The following SIL1 variants were observed in gnomAD, a reference collection of about 807,000 sequenced individuals.
SIL1 encodes the protein nucleotide exchange factor SIL1.
A neutral mutation model predicts 49.1 loss-of-function variants in SIL1; 40 were observed. The ratio of observed to expected loss-of-function variants is 0.81; its 90% confidence interval spans 0.63 to 1.06. The LOEUF (loss-of-function observed/expected upper bound fraction) is 1.06, where lower values mean the gene tolerates loss of function less well. Among genes scored for constraint, SIL1 ranks in the 50% least tolerant of loss-of-function variants. SIL1 has a pLI of 0.00. For missense variants in SIL1, 500 were observed against 572.6 expected, an observed-to-expected ratio of 0.87 and a Z score of 1.29; for synonymous variants, 253 against 250.8, an observed-to-expected ratio of 1.01 and a Z score of -0.08.
chr5:139,157,030 AT>A (rs941283587), intron 1 of SIL1, among the ~76,000 whole-genome samples: 1 of 152,156 alleles, frequency 6.6e-6, no homozygotes, highest in African/African-American at 2.4e-5. Flanking sequence ...CCACTATCTG[AT>A]GGGTGACCCT....
At chr5:139,136,658 G>C (rs950627504) in intron 1 of SIL1, among the ~76,000 whole-genome samples, 1 of 152,070 alleles carries the variant, frequency 6.6e-6, no homozygotes, top group Non-Finnish European at 1.5e-5. Context: ...GGCAGTCAGA[G>C]GGCCCTTCAA....
chr5:139,151,750 A>C (rs1751305052), intron 1 of SIL1, among the ~76,000 whole-genome samples: 1 of 152,200 alleles, frequency 6.6e-6, no homozygotes, highest in Non-Finnish European at 1.5e-5. Flanking sequence ...TGTGGAGTAT[A>C]AGCTCTAGCC....
intron 1 of SIL1, among the ~76,000 whole-genome samples, chr5:139,171,464 G>C (rs972337107): frequency 6.6e-5 from 10 of 152,144 alleles, no homozygotes; most frequent in South Asian, 2.1e-4. Context: ...ATTAAGGGTG[G>C]TGCAAGATGT....
intron 7 of SIL1, among the ~76,000 whole-genome samples, chr5:138,982,169 C>T (rs1319183492): frequency 2.6e-5 from 4 of 152,206 alleles, no homozygotes; most frequent in African/African-American, 9.7e-5. Flanking sequence ...AGTAACCATG[C>T]CAAATGCATC....
intron 7 of SIL1, among the ~76,000 whole-genome samples, chr5:138,967,589 G>A (rs959328221): frequency 1.7e-4 from 26 of 152,178 alleles, no homozygotes; most frequent in Admixed American, 1.2e-3. Flanking sequence ...AAAAGAAAAC[G>A]CAGCTTCAGT....
chr5:139,165,954 C>T (rs1751609635), intron 1 of SIL1, among the ~76,000 whole-genome samples: 2 of 152,112 alleles, frequency 1.3e-5, no homozygotes, highest in African/African-American at 2.4e-5. Context: ...TGAGCCACCA[C>T]GCCTGGCCTG....
chr5:139,052,304 T>C (rs568691537), intron 3 of SIL1, among the ~76,000 whole-genome samples: 1 of 152,220 alleles, frequency 6.6e-6, no homozygotes, highest in East Asian at 1.9e-4. Flanking sequence ...CAGTAGGGAG[T>C]TTCTGTATGT....
At chr5:139,128,707 G>T (rs1174215901) in intron 1 of SIL1, among the ~76,000 whole-genome samples, 1 of 151,780 alleles carries the variant, frequency 6.6e-6, no homozygotes, top group African/African-American at 2.4e-5. Flanking sequence ...CCATGTTCAT[G>T]AATTAGAGAC....
chr5:139,112,423 T>C (rs1247236399), intron 3 of SIL1, among the ~76,000 whole-genome samples: 2 of 142,208 alleles, frequency 1.4e-5, no homozygotes, highest in South Asian at 4.6e-4. Context: ...CGGCTGCCCA[T>C]CGTCTGAGAT....
chr5:139,044,677 A>G (rs978221267), intron 4 of SIL1, among the ~76,000 whole-genome samples: 5 of 152,138 alleles, frequency 3.3e-5, no homozygotes, highest in African/African-American at 4.8e-5. Context: ...TTAGTTCCAG[A>G]TCGCAGTTGC....
chr5:139,062,042 G>A (rs2150465707), intron 3 of SIL1, among the ~76,000 whole-genome samples: 1 of 152,300 alleles, frequency 6.6e-6, no homozygotes, highest in East Asian at 1.9e-4. Context: ...GACTACTAAA[G>A]CCCTCTCCTC....
At chr5:139,130,965 G>A (rs1013512119) in intron 1 of SIL1, among the ~76,000 whole-genome samples, 1 of 152,168 alleles carries the variant, frequency 6.6e-6, no homozygotes, top group Non-Finnish European at 1.5e-5. Context: ...CCGGGTTAAG[G>A]AAAAGGGGAA....
intron 3 of SIL1, among the ~76,000 whole-genome samples, chr5:139,065,694 G>A (rs1302631905): frequency 6.6e-6 from 1 of 152,122 alleles, no homozygotes; most frequent in African/African-American, 2.4e-5. Context: ...CACAACAGCT[G>A]ATGCTGCCCC....
chr5:139,179,363 T>C (rs945636000), intron 1 of SIL1, among the ~76,000 whole-genome samples: 15 of 152,218 alleles, frequency 9.9e-5, no homozygotes, highest in Non-Finnish European at 2.2e-4. Context: ...AACCCTCTTT[T>C]ACTCCTTGGA....
intron 3 of SIL1, among the ~76,000 whole-genome samples, chr5:139,086,923 G>A (rs1770235752): frequency 6.6e-6 from 1 of 151,810 alleles, no homozygotes; most frequent in Non-Finnish European, 1.5e-5. Context: ...TCGCGCCATT[G>A]AGCTCCAGCC....
chr5:139,028,219 G>A (rs1402581896), intron 5 of SIL1, among the ~76,000 whole-genome samples: 1 of 152,028 alleles, frequency 6.6e-6, no homozygotes, highest in African/African-American at 2.4e-5. Context: ...AAAGGTTTTG[G>A]CCGGGCACAG....
chr5:138,955,444 G>A (rs564332339), intron 7 of SIL1, among the ~76,000 whole-genome samples: 53 of 152,334 alleles, frequency 3.5e-4, no homozygotes, highest in Non-Finnish European at 6.3e-4. Flanking sequence ...TGCAAAAATG[G>A]AAGTGATTGC....
intron 3 of SIL1, among the ~76,000 whole-genome samples, chr5:139,113,099 C>T (rs1770905626): frequency 1.3e-5 from 2 of 151,798 alleles, no homozygotes; most frequent in African/African-American, 4.8e-5. Flanking sequence ...TTGAAGGCAG[C>T]ATGCTCGTTA....
In SIL1 at chr5:139,171,748, T is replaced by G. The variant is rs149155642; in HGVS notation, c.-11+26521A>C. On this transcript the variant is annotated intron_variant, in intron 1 of 9. Coordinates refer to ENST00000394817, the MANE Select transcript of SIL1 (RefSeq NM_022464.5). ...AAAAAAGAAAAAAAAAGAAAAAAAA[T>G]AAACCAAAAGAAACTATCCCCGAAA... Among the ~76,000 whole-genome samples the G allele has an allele frequency of 8.2e-3, 1,119 of 137,130 alleles. 16 individuals are homozygous for G. Among genetic ancestry groups the G allele is most frequent in the African/African-American group, 0.027 (1,009 of 37,152 alleles). 90.0% of individuals were successfully genotyped at this position (137,130 alleles called of 152,430 possible).
Sources: gnomAD v4.1 joint callset for allele counts (sites outside exome capture counted in the v4.1 genomes callset) on GRCh38, gnomAD v4.1.1 for gene constraint, MANE v1.5 for transcripts, NCBI Gene and HGNC (gene_info 2026-07-23, HGNC 2026-07-21) for gene names.